NCOA2: variants seen among roughly 807,000 people sequenced by gnomAD.
The protein encoded by NCOA2 is nuclear receptor coactivator 2.
A neutral mutation model predicts 145.1 loss-of-function variants in NCOA2; 21 were observed. That is an observed-to-expected ratio of 0.14 (90% CI 0.10 to 0.21). The LOEUF (loss-of-function observed/expected upper bound fraction) is 0.21, where lower values mean the gene tolerates loss of function less well. Among genes scored for constraint, NCOA2 ranks in the 10% least tolerant of loss-of-function variants. The pLI is 1.00. For synonymous variants in NCOA2, 619 were observed against 637.5 expected, an observed-to-expected ratio of 0.97 and a Z score of 0.44; for missense variants, 1,472 against 1,837.6, an observed-to-expected ratio of 0.80 and a Z score of 3.64.
At chr8:70,217,831 C>T (rs1819769405) in intron 2 of NCOA2, among the ~76,000 whole-genome samples, 1 of 152,092 alleles carries the variant, frequency 6.6e-6, no homozygotes, top group African/African-American at 2.4e-5. Flanking sequence ...TGCAGCAGGA[C>T]AAGCTGAAAT....
chr8:70,398,480 C>T (rs1408155546), intron 1 of NCOA2, among the ~76,000 whole-genome samples: 3 of 152,044 alleles, frequency 2.0e-5, no homozygotes, highest in African/African-American at 7.2e-5. Context: ...ATAATAATAA[C>T]AACAACAGCA....
At chr8:70,225,345 C>A (rs1055709318) in intron 2 of NCOA2, among the ~76,000 whole-genome samples, 2 of 151,924 alleles carry the variant, frequency 1.3e-5, no homozygotes, top group South Asian at 2.1e-4. Context: ...GTCAGACGTT[C>A]GAGACCAACA....
At position 70,224,762 on chromosome 8, in the gene NCOA2, T is replaced by C. The variant is rs1398530993; in HGVS notation, c.-19-7998A>G. On this transcript the variant is annotated intron_variant, in intron 2 of 22. Transcript: ENST00000452400. ...AAACTCACACTTGATACGTTACATA[T>C]ATTTAATTAATTTATTATATTACAT... is the stretch of plus-strand genomic sequence containing the variant. Among the ~76,000 whole-genome samples, 5 of 150,884 alleles carry C rather than the reference T, an allele frequency of 3.3e-5. No homozygotes were observed. The East Asian group carries it at 9.7e-4, about 29-fold the overall frequency.
At chr8:70,321,288 T>C (rs1227709159) in intron 1 of NCOA2, among the ~76,000 whole-genome samples, 1 of 152,106 alleles carries the variant, frequency 6.6e-6, no homozygotes, top group African/African-American at 2.4e-5. Flanking sequence ...TAGCTTGATT[T>C]AATTATTCCA....
intron 1 of NCOA2, among the ~76,000 whole-genome samples, chr8:70,376,656 G>T (rs1321461053): frequency 6.6e-6 from 1 of 151,962 alleles, no homozygotes; most frequent in Non-Finnish European, 1.5e-5. Context: ...ATCTATGGTT[G>T]AATGGTTTAC....
At chr8:70,196,845 T>G (rs7011774) in intron 4 of NCOA2, among the ~76,000 whole-genome samples, 7,618 of 152,282 alleles carry the variant, frequency 0.05, 644 homozygotes, top group African/African-American at 0.17. Flanking sequence ...AGGTGAAAGA[T>G]CACAGGCTGC....
At chr8:70,224,488 A>T (rs1399179430) in intron 2 of NCOA2, among the ~76,000 whole-genome samples, 1 of 152,100 alleles carries the variant, frequency 6.6e-6, no homozygotes, top group East Asian at 1.9e-4. Context: ...AATCATACCT[A>T]TACCTATAAT....
At chr8:70,440,167 C>T in the NCOA2 span, among the ~76,000 whole-genome samples, 5 of 152,250 alleles carry the variant, frequency 3.3e-5, no homozygotes, top group Non-Finnish European at 7.4e-5. Context: ...CACCTGTAGT[C>T]TCGGGAGGCT....
chr8:70,242,274 T>G (rs1822203254), intron 2 of NCOA2, among the ~76,000 whole-genome samples: 2 of 152,140 alleles, frequency 1.3e-5, no homozygotes, highest in Admixed American at 1.3e-4. Flanking sequence ...AAACAATCAT[T>G]CAATGTCAAG....
chr8:70,446,511 AC>A, the NCOA2 span, among the ~76,000 whole-genome samples: 1 of 152,038 alleles, frequency 6.6e-6, no homozygotes, highest in Admixed American at 6.6e-5. Context: ...ATAGTTTTGG[AC>A]TATATCTCTC....
At chr8:70,352,861 C>G (rs1809362469) in intron 1 of NCOA2, among the ~76,000 whole-genome samples, 1 of 152,116 alleles carries the variant, frequency 6.6e-6, no homozygotes, top group South Asian at 2.1e-4. Flanking sequence ...ACAGGTTGAC[C>G]AGCTGAAATC....
At chr8:70,360,970 G>C (rs1314208725) in intron 1 of NCOA2, among the ~76,000 whole-genome samples, 1 of 148,920 alleles carries the variant, frequency 6.7e-6, no homozygotes, top group African/African-American at 2.5e-5. Context: ...AAAGTTACTT[G>C]TAAAATACTG....
chr8:70,382,749 G>A (rs765936996), intron 1 of NCOA2, among the ~76,000 whole-genome samples: 23 of 152,172 alleles, frequency 1.5e-4, no homozygotes, highest in Non-Finnish European at 2.8e-4. Context: ...ATGCTTGCAC[G>A]CGTTCCAGAA....
At chr8:70,436,956 G>A in the NCOA2 span, among the ~76,000 whole-genome samples, 1 of 152,198 alleles carries the variant, frequency 6.6e-6, no homozygotes, top group African/African-American at 2.4e-5. Flanking sequence ...ATTTCAAAGG[G>A]CCTTTTAGGA....
intron 2 of NCOA2, among the ~76,000 whole-genome samples, chr8:70,288,469 A>C (rs763340114): frequency 3.3e-5 from 5 of 152,044 alleles, no homozygotes; most frequent in Non-Finnish European, 5.9e-5. Context: ...AGTCACAGCT[A>C]CTCGGGGAAG....
rs137886603 is a variant in NCOA2, at chr8:70,330,216, A to ATG, written c.-76-33417_-76-33416insCA. On this transcript the variant is annotated intron_variant, in intron 1 of 22. Transcript: ENST00000452400. ...AATAAATGATGATGATGATGATGAT[A>ATG]ATGATGATGATGATGATGATGATCT... Among the ~76,000 whole-genome samples the ATG allele has an allele frequency of 3.3e-5, 5 of 150,800 alleles. No individual in the cohort carries two copies. The South Asian group carries it at 6.3e-4, about 19-fold the overall frequency.
intron 9 of NCOA2, among the ~76,000 whole-genome samples, chr8:70,162,090 A>C (rs1002985524): frequency 3.3e-5 from 5 of 152,132 alleles, no homozygotes; most frequent in Admixed American, 2.0e-4. Flanking sequence ...GAGAGACGTG[A>C]TGTTCACATC....
At chr8:70,269,175 G>T (rs1363414593) in intron 2 of NCOA2, among the ~76,000 whole-genome samples, 2 of 152,098 alleles carry the variant, frequency 1.3e-5, no homozygotes, top group African/African-American at 4.8e-5. Context: ...CAGTACCATG[G>T]AAGTATTTTT....
the NCOA2 span, among the ~76,000 whole-genome samples, chr8:70,435,956 G>A: frequency 5.1e-3 from 783 of 152,134 alleles, 6 homozygotes; most frequent in African/African-American, 0.018. Flanking sequence ...GTGCCACGAC[G>A]TCTGACATAG....
Sources: gnomAD v4.1 joint callset for allele counts (sites outside exome capture counted in the v4.1 genomes callset) on GRCh38, gnomAD v4.1.1 for gene constraint, MANE v1.5 for transcripts, NCBI Gene and HGNC (gene_info 2026-07-23, HGNC 2026-07-21) for gene names.